The following SCRG1 variants were observed in gnomAD, a reference collection of about 807,000 sequenced individuals.
The protein encoded by SCRG1 is stimulator of chondrogenesis 1, also known as scrapie-responsive protein 1.
A neutral mutation model predicts 7.7 loss-of-function variants in SCRG1; 3 were observed. The ratio of observed to expected loss-of-function variants is 0.39; its 90% CI spans 0.18 to 1.01. The LOEUF is 1.01. Ranked by LOEUF, SCRG1 falls within the 50% of genes least tolerant of loss-of-function variation. The pLI is 0.36. For missense variants in SCRG1, 110 were observed against 117.2 expected (o/e 0.94, Z 0.28); for synonymous variants, 46 against 41.2 (o/e 1.12, Z -0.44).
At chr4:173,507,249 G>C in the SCRG1 span, among the ~76,000 whole-genome samples, 3 of 151,970 alleles carry the variant, frequency 2.0e-5, no homozygotes, top group Non-Finnish European at 4.4e-5. The surrounding 1 kb of genome is among the most constrained non-coding windows in gnomAD (Gnocchi z 4.4). Context: ...TTGCTCTGTC[G>C]CCCAGGCTGG....
At chr4:173,493,616 G>GAAAAAAAAAAAAAA in the SCRG1 span, among the ~76,000 whole-genome samples, 3 of 95,690 alleles carry the variant, frequency 3.1e-5, no homozygotes, top group South Asian at 3.5e-4. Context: ...GACTCAGTCA[G>GAAAAAAAAAAAAAA]AAAAAAAAAA....
the SCRG1 span, among the ~76,000 whole-genome samples, chr4:173,443,241 G>T: frequency 6.6e-6 from 1 of 152,076 alleles, no homozygotes; most frequent in Non-Finnish European, 1.5e-5. Flanking sequence ...AAATATCACA[G>T]AATAGAAAGG....
At chr4:173,483,254 A>ATTATATATAATATG in the SCRG1 span, among the ~76,000 whole-genome samples, 3 of 59,896 alleles carry the variant, frequency 5.0e-5, no homozygotes, top group African/African-American at 1.4e-4. Context: ...TATATCATAT[A>ATTATATATAATATG]TGATATATCA....
At chr4:173,513,677 A>G in the SCRG1 span, among the ~76,000 whole-genome samples, 1 of 152,178 alleles carries the variant, frequency 6.6e-6, no homozygotes, top group Non-Finnish European at 1.5e-5. Flanking sequence ...CCTTGCCCAA[A>G]TTGTATTTGG....
the SCRG1 span, among the ~76,000 whole-genome samples, chr4:173,425,630 A>G: frequency 2.6e-5 from 4 of 152,214 alleles, no homozygotes; most frequent in South Asian, 2.1e-4. Flanking sequence ...CCAGGGCCCA[A>G]TGAGACTCTC....
chr4:173,484,441 G>C, the SCRG1 span, among the ~76,000 whole-genome samples: 1 of 29,334 alleles, frequency 3.4e-5, no homozygotes, highest in East Asian at 1.9e-3. Context: ...ATATACATAT[G>C]ATATATAATA....
the SCRG1 span, among the ~76,000 whole-genome samples, chr4:173,485,695 C>T: frequency 6.6e-6 from 1 of 152,060 alleles, no homozygotes; most frequent in Non-Finnish European, 1.5e-5. Flanking sequence ...TGTGGCTGGG[C>T]CCTGTGGCTC....
At chr4:173,482,065 T>C in the SCRG1 span, among the ~76,000 whole-genome samples, 1 of 152,174 alleles carries the variant, frequency 6.6e-6, no homozygotes, top group Non-Finnish European at 1.5e-5. Flanking sequence ...ACTTACATTA[T>C]CTTGATTTGG....
At chr4:173,419,260 C>T in the SCRG1 span, 1 of 551,174 alleles carries the variant, frequency 1.8e-6, no homozygotes, top group South Asian at 2.1e-5. Flanking sequence ...TCTCGGCAGC[C>T]CGCTCCTGAG....
At chr4:173,456,566 C>T in the SCRG1 span, among the ~76,000 whole-genome samples, 3 of 152,186 alleles carry the variant, frequency 2.0e-5, no homozygotes, top group Non-Finnish European at 4.4e-5. Flanking sequence ...GTTCCTTTAT[C>T]ATTTTTTAAA....
chr4:173,507,197 C>CTGTTTGTT, the SCRG1 span, among the ~76,000 whole-genome samples: 1,011 of 151,384 alleles, frequency 6.7e-3, 9 homozygotes, highest in African/African-American at 0.023. This position sits in a 1 kb window ranked among gnomAD's most constrained non-coding sequence, Gnocchi z 4.4. Context: ...CCCTGTTTTT[C>CTGTTTGTT]TGTTTGTTTG....
the SCRG1 span, among the ~76,000 whole-genome samples, chr4:173,441,809 T>A: frequency 2.0e-5 from 3 of 151,970 alleles, no homozygotes. Flanking sequence ...CAACCAGGAG[T>A]TCAAGGCTGC....
At chr4:173,414,441 G>A in the SCRG1 span, among the ~76,000 whole-genome samples, 1 of 152,172 alleles carries the variant, frequency 6.6e-6, no homozygotes. Flanking sequence ...TCAGCTTCCT[G>A]CAGTGGTCCC....
At chr4:173,436,443 T>C in the SCRG1 span, among the ~76,000 whole-genome samples, 1 of 152,168 alleles carries the variant, frequency 6.6e-6, no homozygotes, top group Non-Finnish European at 1.5e-5. Context: ...CAGAACCTGT[T>C]GTTCTGTCCC....
chr4:173,447,095 G>A, the SCRG1 span, among the ~76,000 whole-genome samples: 1 of 152,200 alleles, frequency 6.6e-6, no homozygotes, highest in Non-Finnish European at 1.5e-5. Flanking sequence ...CATAGGTCAG[G>A]TGGCTTAACA....
the SCRG1 span, among the ~76,000 whole-genome samples, chr4:173,415,203 C>T: frequency 6.6e-6 from 1 of 152,150 alleles, no homozygotes; most frequent in Non-Finnish European, 1.5e-5. Context: ...TTCACTGCAG[C>T]TGAGATTTAT....
chr4:173,464,747 C>T, the SCRG1 span, among the ~76,000 whole-genome samples: 3 of 152,080 alleles, frequency 2.0e-5, no homozygotes, highest in East Asian at 1.9e-4. Context: ...TGGGTATATA[C>T]ACAAAAGAAT....
upstream of SCRG1, among the ~76,000 whole-genome samples, chr4:173,410,761 G>A (rs925509376): frequency 6.6e-6 from 1 of 152,096 alleles, no homozygotes; most frequent in South Asian, 2.1e-4. Flanking sequence ...AAATTTGTTT[G>A]ACTACTGGAC....
upstream of SCRG1, among the ~76,000 whole-genome samples, chr4:173,409,587 A>AC (rs1431462985): frequency 1.2e-5 from 1 of 85,422 alleles, no homozygotes; most frequent in Non-Finnish European, 2.1e-5. Flanking sequence ...TTCCCTGCAT[A>AC]CTTTTTTTTT....
Sources: gnomAD v4.1 joint callset for allele counts (sites outside exome capture counted in the v4.1 genomes callset) on GRCh38, gnomAD v4.1.1 for gene constraint, Gnocchi (gnomAD v3.1) non-coding constraint, MANE v1.5 for transcripts, NCBI Gene and HGNC (gene_info 2026-07-23, HGNC 2026-07-21) for gene names.